The following TACR3 variants were observed in gnomAD, a reference collection of about 807,000 sequenced individuals.
TACR3 encodes tachykinin receptor 3.
In TACR3, 34 loss-of-function variants were observed where a neutral mutation model predicts 35.0. That is an observed-to-expected ratio of 0.97 (90% CI 0.74 to 1.30). The LOEUF (loss-of-function observed/expected upper bound fraction) is 1.30, where lower values mean the gene tolerates loss of function less well. Among genes scored for constraint, TACR3 ranks in the 50% most tolerant of loss-of-function variants. TACR3 has a pLI of 0.00. For missense variants in TACR3, 558 were observed against 591.7 expected (o/e 0.94, Z 0.59); for synonymous variants, 233 against 221.1 (o/e 1.05, Z -0.48).
Position 103,687,396 on chromosome 4 carries a change from G to C in TACR3, c.549-28993C>G, listed in dbSNP as rs1297199789. ...AACATAGTGTTGGAAGTTCTGGCCA[G>C]GGCAATTAGGCAGGAGAAGGAAATA... is the stretch of plus-strand genomic sequence containing the variant. On this transcript the variant is annotated intron_variant, in intron 1 of 4. Transcript: ENST00000304883. Among the ~76,000 whole-genome samples, 8 of 152,166 alleles carry C rather than the reference G, an allele frequency of 5.3e-5. 1 individual carries two copies. The South Asian group carries it at 1.5e-3, about 28-fold the overall frequency.
intron 1 of TACR3, among the ~76,000 whole-genome samples, chr4:103,690,754 G>T (rs1578259338): frequency 6.6e-6 from 1 of 152,054 alleles, no homozygotes; most frequent in East Asian, 1.9e-4. Context: ...ATTTTTAATA[G>T]ACAAAGATGT....
intron 3 of TACR3, among the ~76,000 whole-genome samples, chr4:103,619,115 A>T (rs1724722890): frequency 6.6e-6 from 1 of 152,226 alleles, no homozygotes; most frequent in South Asian, 2.1e-4. Context: ...GTGTTTATCA[A>T]TTTTAGGAGT....
intron 1 of TACR3, among the ~76,000 whole-genome samples, chr4:103,707,981 A>G (rs933688171): frequency 1.1e-4 from 16 of 152,188 alleles, no homozygotes; most frequent in Admixed American, 5.9e-4. Context: ...CTAAGGCTTG[A>G]GTAGGTAAAC....
At chr4:103,708,069 C>T (rs1470460251) in intron 1 of TACR3, among the ~76,000 whole-genome samples, 1 of 152,210 alleles carries the variant, frequency 6.6e-6, no homozygotes, top group Non-Finnish European at 1.5e-5. Flanking sequence ...GACTCCACCT[C>T]TGGGGGCAGG....
intron 1 of TACR3, among the ~76,000 whole-genome samples, chr4:103,673,745 T>C (rs1053205536): frequency 3.9e-5 from 6 of 152,168 alleles, no homozygotes; most frequent in East Asian, 1.9e-4. Context: ...AAAAGCACAA[T>C]ATCTGCAAGG....
intron 3 of TACR3, among the ~76,000 whole-genome samples, chr4:103,615,952 A>G (rs1724648437): frequency 6.6e-6 from 1 of 152,222 alleles, no homozygotes; most frequent in Admixed American, 6.5e-5. Flanking sequence ...TTTCTGAGAA[A>G]GAGTAATATC....
intron 3 of TACR3, among the ~76,000 whole-genome samples, chr4:103,628,086 G>A (rs140139838): frequency 1.4e-4 from 21 of 152,152 alleles, no homozygotes; most frequent in African/African-American, 2.9e-4. Flanking sequence ...AAAAATGTTC[G>A]TTGAAACTAA....
intron 3 of TACR3, among the ~76,000 whole-genome samples, chr4:103,652,975 C>A (rs1408275042): frequency 1.3e-5 from 2 of 151,856 alleles, no homozygotes; most frequent in Non-Finnish European, 2.9e-5. Context: ...AGAGAAGGGC[C>A]AGCTATATTT....
chr4:103,601,765 T>G, intron 3 of TACR3, among the ~76,000 whole-genome samples: 1 of 152,244 alleles, frequency 6.6e-6, no homozygotes, highest in Non-Finnish European at 1.5e-5. Context: ...GGTGTTAGTC[T>G]GATGGGCTTC....
At chr4:103,671,103 G>A (rs997641849) in intron 1 of TACR3, among the ~76,000 whole-genome samples, 2 of 151,862 alleles carry the variant, frequency 1.3e-5, no homozygotes, top group African/African-American at 2.4e-5. Context: ...TTGATGTAAT[G>A]TTTCATGTTT....
At chr4:103,674,623 C>G (rs998997680) in intron 1 of TACR3, among the ~76,000 whole-genome samples, 18 of 152,222 alleles carry the variant, frequency 1.2e-4, no homozygotes, top group Admixed American at 4.6e-4. Flanking sequence ...ACAATCTCAG[C>G]TCACTGCAAC....
intron 1 of TACR3, among the ~76,000 whole-genome samples, chr4:103,703,966 T>C (rs1200272508): frequency 6.6e-6 from 1 of 150,740 alleles, no homozygotes; most frequent in Non-Finnish European, 1.5e-5. Context: ...TAGCAGGGCG[T>C]GGTAGCAGGC....
At chr4:103,717,801 C>T (rs2110235078) in intron 1 of TACR3, among the ~76,000 whole-genome samples, 1 of 140,560 alleles carries the variant, frequency 7.1e-6, no homozygotes, top group African/African-American at 3.1e-5. Flanking sequence ...TCACTTATTT[C>T]CCAACTGGAG....
intron 3 of TACR3, among the ~76,000 whole-genome samples, chr4:103,624,961 C>A (rs1198220595): frequency 6.6e-6 from 1 of 151,562 alleles, no homozygotes; most frequent in Non-Finnish European, 1.5e-5. Context: ...AGAAATGGAT[C>A]AAGGGGGAGC....
chr4:103,621,631 G>A (rs1724784300), intron 3 of TACR3, among the ~76,000 whole-genome samples: 1 of 152,162 alleles, frequency 6.6e-6, no homozygotes, highest in South Asian at 2.1e-4. Flanking sequence ...ATTGAACATT[G>A]ATTAAGGAAA....
intron 1 of TACR3, among the ~76,000 whole-genome samples, chr4:103,689,078 T>G (rs1403083194): frequency 2.0e-5 from 3 of 151,562 alleles, no homozygotes; most frequent in East Asian, 3.9e-4. Context: ...CATAAAAAAA[T>G]GATGAGTTCA....
At chr4:103,686,598 T>C (rs971667060) in intron 1 of TACR3, among the ~76,000 whole-genome samples, 3 of 152,144 alleles carry the variant, frequency 2.0e-5, no homozygotes, top group African/African-American at 4.8e-5. Context: ...TTCAATTATA[T>C]AAAATGTCTG....
intron 1 of TACR3, among the ~76,000 whole-genome samples, chr4:103,659,247 G>A (rs560042231): frequency 5.5e-4 from 83 of 152,272 alleles, no homozygotes; most frequent in Non-Finnish European, 8.8e-4. Flanking sequence ...GGGTACCTCC[G>A]ATGTAAGTGA....
chr4:103,594,691 A>T (rs980150082), intron 3 of TACR3, among the ~76,000 whole-genome samples: 1 of 152,188 alleles, frequency 6.6e-6, no homozygotes, highest in African/African-American at 2.4e-5. Context: ...TTCAATTTTC[A>T]TAGTGCAAAA....
Sources: allele counts gnomAD v4.1 joint callset (sites outside exome capture counted in the v4.1 genomes callset), GRCh38; gene constraint gnomAD v4.1.1; transcripts MANE v1.5; gene names NCBI Gene and HGNC (gene_info 2026-07-23, HGNC 2026-07-21).